Variants in BTBD9 observed in about 807,000 individuals in gnomAD.
The protein encoded by BTBD9 is BTB/POZ domain-containing protein 9.
Under a neutral mutation model 64.3 loss-of-function variants are expected in BTBD9, and 49 were observed. That is an observed-to-expected ratio of 0.76 (90% confidence interval 0.61 to 0.97). The LOEUF is 0.97. Among genes scored for constraint, BTBD9 ranks in the 50% least tolerant of loss-of-function variants. The pLI, the probability that BTBD9 is intolerant of heterozygous loss-of-function variation, is 0.00. For synonymous variants in BTBD9, 260 were observed against 274.7 expected, an observed-to-expected ratio of 0.95 and a Z score of 0.53; for missense variants, 598 against 762.1, an observed-to-expected ratio of 0.78 and a Z score of 2.53.
intron 6 of BTBD9, among the ~76,000 whole-genome samples, chr6:38,572,731 C>G (rs191294561): frequency 6.7e-6 from 1 of 150,158 alleles, no homozygotes; most frequent in Non-Finnish European, 1.5e-5. Flanking sequence ...TGCAAAATAT[C>G]CTGACTGTAT....
intron 1 of BTBD9, among the ~76,000 whole-genome samples, chr6:38,628,669 A>T (rs767267491): frequency 6.6e-6 from 1 of 152,162 alleles, no homozygotes; most frequent in African/African-American, 2.4e-5. Flanking sequence ...TTGAAACTGA[A>T]GGTGTCAGTA....
At chr6:38,386,641 T>A (rs1322057629) in intron 6 of BTBD9, among the ~76,000 whole-genome samples, 10 of 148,584 alleles carry the variant, frequency 6.7e-5, no homozygotes, top group Non-Finnish European at 8.9e-5. Flanking sequence ...TTTTTTTTTT[T>A]TTTTTTTTTT....
At chr6:38,590,567 A>G (rs899718646) in intron 4 of BTBD9, among the ~76,000 whole-genome samples, 6 of 152,220 alleles carry the variant, frequency 3.9e-5, no homozygotes, top group Non-Finnish European at 2.9e-5. Context: ...TTAAAGGCAT[A>G]GTCAAGAAGA....
intron 6 of BTBD9, among the ~76,000 whole-genome samples, chr6:38,475,422 A>C (rs1344136553): frequency 6.6e-6 from 1 of 152,168 alleles, no homozygotes; most frequent in Non-Finnish European, 1.5e-5. Context: ...AGCTTCCACC[A>C]TTGCCTGAAC....
At chr6:38,215,139 T>G (rs1762968250) in intron 9 of BTBD9, among the ~76,000 whole-genome samples, 1 of 152,178 alleles carries the variant, frequency 6.6e-6, no homozygotes, top group African/African-American at 2.4e-5. Context: ...GGCTTTAAAA[T>G]CAGATGGATC....
chr6:38,396,799 C>T (rs749806326), intron 6 of BTBD9, among the ~76,000 whole-genome samples: 6 of 151,784 alleles, frequency 4.0e-5, no homozygotes, highest in African/African-American at 9.7e-5. Flanking sequence ...ATTTTAAACA[C>T]GCCGCTTTTT....
chr6:38,222,787 A>C (rs1363286204), intron 9 of BTBD9, among the ~76,000 whole-genome samples: 3 of 152,230 alleles, frequency 2.0e-5, no homozygotes, highest in African/African-American at 7.2e-5. Flanking sequence ...CAAACAGGCA[A>C]AACATATTTA....
chr6:38,451,131 T>G, intron 6 of BTBD9, among the ~76,000 whole-genome samples: 1 of 152,180 alleles, frequency 6.6e-6, no homozygotes, highest in Non-Finnish European at 1.5e-5. Flanking sequence ...TACCACTACT[T>G]TGTACCACAC....
chr6:38,558,990 G>A (rs1775151615), intron 6 of BTBD9, among the ~76,000 whole-genome samples: 1 of 152,118 alleles, frequency 6.6e-6, no homozygotes, highest in Non-Finnish European at 1.5e-5. Flanking sequence ...CTGGATAGCT[G>A]GTAGAATTTG....
At chr6:38,466,901 A>T (rs1770421377) in intron 6 of BTBD9, among the ~76,000 whole-genome samples, 1 of 152,136 alleles carries the variant, frequency 6.6e-6, no homozygotes. Context: ...TAAGACAACT[A>T]TATATCTGGA....
intron 6 of BTBD9, among the ~76,000 whole-genome samples, chr6:38,519,239 TC>T (rs1773180448): frequency 6.6e-6 from 1 of 152,196 alleles, no homozygotes; most frequent in Non-Finnish European, 1.5e-5. Flanking sequence ...AAACTTGGGA[TC>T]ATAAGGGCTC....
chr6:38,343,427 T>C (rs1244668293), intron 7 of BTBD9, among the ~76,000 whole-genome samples: 1 of 152,176 alleles, frequency 6.6e-6, no homozygotes, highest in Non-Finnish European at 1.5e-5. Context: ...TGCTCTGAGC[T>C]GAAATGAGTA....
At chr6:38,219,054 T>C (rs1456338077) in intron 9 of BTBD9, among the ~76,000 whole-genome samples, 2 of 151,820 alleles carry the variant, frequency 1.3e-5, no homozygotes, top group African/African-American at 4.8e-5. Flanking sequence ...GCCCAAGTGC[T>C]GCCCAGTCTA....
chr6:38,508,919 A>G (rs1772660176), intron 6 of BTBD9, among the ~76,000 whole-genome samples: 1 of 152,088 alleles, frequency 6.6e-6, no homozygotes, highest in Non-Finnish European at 1.5e-5. Flanking sequence ...CTGTGCTCAT[A>G]AACTATCCCA....
chr6:38,425,418 G>GT (rs1490025344), intron 6 of BTBD9, among the ~76,000 whole-genome samples: 1 of 151,742 alleles, frequency 6.6e-6, no homozygotes, highest in Non-Finnish European at 1.5e-5. Context: ...CCCAGCCCTA[G>GT]TTCTAACACT....
chr6:38,228,391 A>C (rs1426323125), intron 9 of BTBD9, among the ~76,000 whole-genome samples: 1 of 132,806 alleles, frequency 7.5e-6, no homozygotes, highest in Non-Finnish European at 1.6e-5. Context: ...AAACCTATGG[A>C]CTTTCGGTAT....
At chr6:38,196,801 G>A (rs72847078) in intron 9 of BTBD9, among the ~76,000 whole-genome samples, 7,777 of 152,260 alleles carry the variant, frequency 0.051, 222 homozygotes, top group African/African-American at 0.079. Context: ...GTTGTTTGAT[G>A]CTTGGAAACA....
rs979243382 is a variant in BTBD9, at chr6:38,615,165, G to C, written c.-27-17044C>G. ...TCTTTTCACCTTCCATCATCCAAGT[G>C]CAACTCAGGTGCCATTTCCTCATGC... On this transcript the variant is annotated intron_variant, in intron 1 of 10. Coordinates refer to ENST00000481247, the MANE Select transcript of BTBD9 (RefSeq NM_001099272.2). Among the ~76,000 whole-genome samples, 28 of 152,274 alleles carry C rather than the reference G, an allele frequency of 1.8e-4. 1 individual carries two copies. Among genetic ancestry groups the C allele is most frequent in the African/African-American group, 6.5e-4 (27 of 41,552 alleles).
intron 6 of BTBD9, among the ~76,000 whole-genome samples, chr6:38,554,336 C>T (rs1202309928): frequency 1.3e-5 from 2 of 152,184 alleles, no homozygotes; most frequent in Non-Finnish European, 2.9e-5. Context: ...TATACAGTGA[C>T]TAATTCAACC....
Sources: gnomAD v4.1 joint callset for allele counts (sites outside exome capture counted in the v4.1 genomes callset) on GRCh38, gnomAD v4.1.1 for gene constraint, MANE v1.5 for transcripts, NCBI Gene and HGNC (gene_info 2026-07-23, HGNC 2026-07-21) for gene names.